The following RSF1 variants were observed in gnomAD, a reference collection of about 807,000 sequenced individuals.
RSF1 encodes HBV pX-associated protein 8.
In RSF1, 13 loss-of-function variants were observed where a neutral mutation model predicts 145.2. The observed-to-expected ratio is 0.09, with a 90% CI of 0.06 to 0.14. The LOEUF (loss-of-function observed/expected upper bound fraction) is 0.14, where lower values mean the gene tolerates loss of function less well. Ranked by LOEUF, RSF1 falls within the 10% of genes least tolerant of loss-of-function variation. The pLI, the probability that RSF1 is intolerant of heterozygous loss-of-function variation, is 1.00. For missense variants in RSF1, 1,517 were observed against 1,718.2 expected, an observed-to-expected ratio of 0.88 and a Z score of 2.07; for synonymous variants, 577 against 592.6, an observed-to-expected ratio of 0.97 and a Z score of 0.38.
chr11:77,832,454 G>A, the RSF1 span, among the ~76,000 whole-genome samples: 1 of 151,558 alleles, frequency 6.6e-6, no homozygotes, highest in African/African-American at 2.4e-5. Flanking sequence ...AGCCTCCCCA[G>A]TAGCTGGGAT....
intron 1 of RSF1, among the ~76,000 whole-genome samples, chr11:77,817,491 A>G (rs1423412356): frequency 1.3e-5 from 2 of 152,214 alleles, no homozygotes; most frequent in African/African-American, 4.8e-5. Flanking sequence ...CCTGGCAACC[A>G]GCAAATTTCG....
chr11:77,673,824 G>T (rs1353988790), intron 14 of RSF1, among the ~76,000 whole-genome samples: 1 of 151,966 alleles, frequency 6.6e-6, no homozygotes, highest in Non-Finnish European at 1.5e-5. Context: ...TTATCACAAG[G>T]AAACAAAAGA....
intron 1 of RSF1, chr11:77,813,594 T>C (rs552788238): frequency 9.8e-5 from 64 of 652,858 alleles, no homozygotes; most frequent in Non-Finnish European, 1.5e-4. Flanking sequence ...GGATTTTATG[T>C]TGCGGCTCGT....
At chr11:77,707,968 CATCTTGATAAT>C (rs1960591835) in intron 5 of RSF1, among the ~76,000 whole-genome samples, 1 of 152,166 alleles carries the variant, frequency 6.6e-6, no homozygotes, top group Non-Finnish European at 1.5e-5. Context: ...AGTATTGTTG[CATCTTGATAAT>C]AGGATAACAA....
intron 1 of RSF1, among the ~76,000 whole-genome samples, chr11:77,797,215 CAAG>C (rs1161874669): frequency 6.6e-6 from 1 of 152,148 alleles, no homozygotes; most frequent in Non-Finnish European, 1.5e-5. Context: ...CAATCCTGGG[CAAG>C]AAGAACAAAG....
At chr11:77,729,506 A>C (rs1360475212) in intron 4 of RSF1, among the ~76,000 whole-genome samples, 1 of 152,056 alleles carries the variant, frequency 6.6e-6, no homozygotes, top group Non-Finnish European at 1.5e-5. Context: ...TCAGAGTTTG[A>C]ATTAGTGGTA....
At chr11:77,761,488 T>C (rs895769612) in intron 2 of RSF1, among the ~76,000 whole-genome samples, 4 of 146,036 alleles carry the variant, frequency 2.7e-5, no homozygotes, top group African/African-American at 1.1e-4. Context: ...GTTATCCCAC[T>C]AGTTTTAAAG....
chr11:77,779,275 A>G (rs1744870090), intron 1 of RSF1, among the ~76,000 whole-genome samples: 1 of 152,116 alleles, frequency 6.6e-6, no homozygotes, highest in Non-Finnish European at 1.5e-5. Flanking sequence ...TGGTGTGATC[A>G]TAGCTCACTG....
chr11:77,717,709 G>A (rs1164229378), intron 5 of RSF1: 1 of 152,134 alleles, frequency 6.6e-6, no homozygotes, highest in East Asian at 1.9e-4. Context: ...ACAATGCCAT[G>A]TTCCACTTTT....
intron 1 of RSF1, among the ~76,000 whole-genome samples, chr11:77,804,501 T>C (rs891185078): frequency 6.6e-6 from 1 of 152,190 alleles, no homozygotes; most frequent in East Asian, 1.9e-4. Flanking sequence ...CCTTTACTTA[T>C]AGCTCAAATA....
chr11:77,816,628 C>A (rs1214463664), intron 1 of RSF1, among the ~76,000 whole-genome samples: 2 of 152,160 alleles, frequency 1.3e-5, no homozygotes, highest in Non-Finnish European at 2.9e-5. Flanking sequence ...CAACCAATAT[C>A]CAGACTGTTT....
At chr11:77,749,702 T>C (rs370713559) in intron 2 of RSF1, among the ~76,000 whole-genome samples, 51 of 152,342 alleles carry the variant, frequency 3.3e-4, no homozygotes, top group African/African-American at 1.2e-3. Context: ...CCTTTATTTA[T>C]AACATTTAGG....
chr11:77,700,252 G>A (rs1960382159), intron 6 of RSF1, among the ~76,000 whole-genome samples: 1 of 148,168 alleles, frequency 6.7e-6, no homozygotes, highest in African/African-American at 2.5e-5. Context: ...TTGGGAGACT[G>A]AGGCAAGAGA....
intron 1 of RSF1, among the ~76,000 whole-genome samples, chr11:77,773,167 T>C (rs1274707912): frequency 6.6e-6 from 1 of 152,226 alleles, no homozygotes; most frequent in African/African-American, 2.4e-5. Context: ...TGAGATGTAA[T>C]GCACATACCA....
In RSF1 at chr11:77,746,797, T is replaced by G. The variant is rs148145647; in HGVS notation, c.372+239A>C. ...GCTGAAAACAATGAATAAAACTAAT[T>G]TGGAGCAACTGCTTGCCCATGTTAT... On this transcript the variant is annotated intron_variant, in intron 3 of 15. Transcript: ENST00000308488. Among the ~76,000 whole-genome samples, 364 of 152,248 alleles carry G rather than the reference T, an allele frequency of 2.4e-3. 3 individuals carry two copies. The highest frequency in any genetic ancestry group is 5.7e-3 in the Admixed American group (87 of 15,292).
intron 5 of RSF1, among the ~76,000 whole-genome samples, chr11:77,709,841 G>A (rs1205181634): frequency 6.6e-6 from 1 of 151,986 alleles, no homozygotes; most frequent in Non-Finnish European, 1.5e-5. Context: ...GAGTAACTGG[G>A]ACTATAAGCA....
chr11:77,809,935 AG>A lies in RSF1; in HGVS notation c.187+10592del, dbSNP rs554708942. On this transcript the variant is annotated intron_variant, in intron 1 of 15. Transcript: ENST00000308488. ...TGCAGAGCCAACTGTGAAGATGCTA[AG>A]GACAAAAGGAAAAGAGTAAGTATCA... Among the ~76,000 whole-genome samples, 270 of 152,364 alleles carry A rather than the reference AG, an allele frequency of 1.8e-3. 2 individuals are homozygous for A. The highest frequency in any genetic ancestry group is 6.4e-3 in the African/African-American group (265 of 41,586).
At chr11:77,785,749 C>A in intron 1 of RSF1, among the ~76,000 whole-genome samples, 1 of 142,532 alleles carries the variant, frequency 7.0e-6, no homozygotes, top group Non-Finnish European at 1.5e-5. Flanking sequence ...AACCCCGTCT[C>A]TACTGAAAAA....
intron 1 of RSF1, among the ~76,000 whole-genome samples, chr11:77,787,219 G>GC (rs896752810): frequency 6.6e-6 from 1 of 152,108 alleles, no homozygotes; most frequent in Non-Finnish European, 1.5e-5. Flanking sequence ...AACAAGGCCT[G>GC]CCCCCCAACA....
Sources: gnomAD v4.1 joint callset for allele counts (sites outside exome capture counted in the v4.1 genomes callset) on GRCh38, gnomAD v4.1.1 for gene constraint, MANE v1.5 for transcripts, NCBI Gene and HGNC (gene_info 2026-07-23, HGNC 2026-07-21) for gene names.